AFF1: variants seen among roughly 807,000 people sequenced by gnomAD.
AFF1 encodes ALF transcription elongation factor 1, also known as AF4/FMR2 family member 1.
A neutral mutation model predicts 121.7 loss-of-function variants in AFF1; 48 were observed. That is an observed-to-expected ratio of 0.39 (90% CI 0.31 to 0.50). The LOEUF (loss-of-function observed/expected upper bound fraction) is 0.50. Ranked by LOEUF, AFF1 falls within the 20% of genes least tolerant of loss-of-function variation. The pLI is 0.76. For missense variants in AFF1, 1,523 were observed against 1,511.7 expected, an observed-to-expected ratio of 1.01 and a Z score of -0.12; for synonymous variants, 613 against 563.0, an observed-to-expected ratio of 1.09 and a Z score of -1.26.
At chr4:87,044,353 G>A (rs2149608681) in intron 2 of AFF1, among the ~76,000 whole-genome samples, 1 of 152,244 alleles carries the variant, frequency 6.6e-6, no homozygotes, top group Non-Finnish European at 1.5e-5. Flanking sequence ...TTAATGATTA[G>A]CTTCTATGCA....
intron 2 of AFF1, among the ~76,000 whole-genome samples, chr4:86,983,551 ATAAAAATAC>A (rs1260825439): frequency 2.0e-5 from 3 of 151,864 alleles, no homozygotes; most frequent in Non-Finnish European, 2.9e-5. Context: ...AAATTAAAAA[ATAAAAATAC>A]TAAAAATATA....
chr4:86,990,378 A>T (rs1222519550), intron 2 of AFF1, among the ~76,000 whole-genome samples: 1 of 151,548 alleles, frequency 6.6e-6, no homozygotes, highest in Non-Finnish European at 1.5e-5. Flanking sequence ...AGATGCCTTC[A>T]GGAGGAATCT....
intron 7 of AFF1, among the ~76,000 whole-genome samples, chr4:87,093,601 A>G (rs3775220): frequency 0.32 from 49,161 of 151,996 alleles, 8,508 homozygotes; most frequent in South Asian, 0.47. Flanking sequence ...CCCAGGCAAG[A>G]TGATCGTGTG....
At chr4:86,938,697 A>C (rs567284914) in intron 1 of AFF1, among the ~76,000 whole-genome samples, 1 of 152,254 alleles carries the variant, frequency 6.6e-6, no homozygotes, top group Non-Finnish European at 1.5e-5. Context: ...ATTCTACCAC[A>C]GCATGGAAAT....
intron 4 of AFF1, among the ~76,000 whole-genome samples, chr4:87,061,010 G>A (rs971386536): frequency 4.6e-5 from 7 of 152,034 alleles, no homozygotes; most frequent in African/African-American, 1.5e-4. Flanking sequence ...CCTTATATTC[G>A]CTCAGGATTC....
chr4:87,082,654 C>G (rs1048509265), intron 4 of AFF1, among the ~76,000 whole-genome samples: 16 of 152,224 alleles, frequency 1.1e-4, no homozygotes, highest in Non-Finnish European at 2.2e-4. Flanking sequence ...CTCTCAGACT[C>G]CTGGGCTCAG....
chr4:87,096,583 A>T (rs1397798301), intron 8 of AFF1, among the ~76,000 whole-genome samples: 2 of 151,374 alleles, frequency 1.3e-5, no homozygotes, highest in African/African-American at 4.9e-5. Context: ...TTTGTTGCCT[A>T]GGTTGGAGTG....
intron 11 of AFF1, among the ~76,000 whole-genome samples, chr4:87,113,333 G>T (rs1031119192): frequency 6.6e-6 from 1 of 151,934 alleles, no homozygotes; most frequent in Non-Finnish European, 1.5e-5. Context: ...ACCTAAGCTG[G>T]AGTGCACATG....
At chr4:86,970,337 A>G (rs1578869095) in intron 2 of AFF1, among the ~76,000 whole-genome samples, 1 of 152,180 alleles carries the variant, frequency 6.6e-6, no homozygotes, top group African/African-American at 2.4e-5. Flanking sequence ...TACAACAACA[A>G]CAACAAAGAT....
chr4:87,028,899 TC>T (rs1560553809), intron 2 of AFF1, among the ~76,000 whole-genome samples: 2 of 152,174 alleles, frequency 1.3e-5, no homozygotes, highest in Admixed American at 1.3e-4. Flanking sequence ...AGGCGGATTG[TC>T]CCCAAAGGAG....
Position 87,078,789 on chromosome 4 carries a change from C to G in AFF1, c.1060-5331C>G, listed in dbSNP as rs1022400245. ...AAATAGCTTGGACATTTATTTTACT[C>G]TCTTAAAAATTAAACTTTGGATAGA... On this transcript the variant is annotated intron_variant, in intron 4 of 20. Coordinates refer to ENST00000395146, the MANE Select transcript of AFF1 (RefSeq NM_001166693.3). Among the ~76,000 whole-genome samples, 3 of 152,106 alleles carry G rather than the reference C, an allele frequency of 2.0e-5. No homozygotes were observed. In the South Asian group the frequency reaches 6.2e-4, roughly 32 times the overall value.
intron 2 of AFF1, among the ~76,000 whole-genome samples, chr4:86,959,586 T>C (rs1722002595): frequency 6.6e-6 from 1 of 151,904 alleles, no homozygotes; most frequent in Non-Finnish European, 1.5e-5. Context: ...TGAGTGTCTG[T>C]TAGGGAAGTC....
At chr4:87,056,290 C>CTCA (rs1355605576) in intron 4 of AFF1, among the ~76,000 whole-genome samples, 2 of 152,076 alleles carry the variant, frequency 1.3e-5, no homozygotes, top group Non-Finnish European at 2.9e-5. Flanking sequence ...ACTCTGAAAA[C>CTCA]TCATATTGGA....
chr4:87,084,081 T>C, intron 4 of AFF1, 39 bp from the exon 5 acceptor site: 1 of 1,603,712 alleles, frequency 6.2e-7, no homozygotes, highest in African/African-American at 1.3e-5. Context: ...CTCTTGACTC[T>C]GGTTTGCTAA....
chr4:86,984,331 CTTT>C (rs1350597456), intron 2 of AFF1, among the ~76,000 whole-genome samples: 1 of 126,204 alleles, frequency 7.9e-6, no homozygotes, highest in Admixed American at 8.0e-5. Flanking sequence ...ATTTTTTTTT[CTTT>C]TTTTTTTTTT....
At chr4:86,943,750 G>A (rs1406433667) in intron 1 of AFF1, among the ~76,000 whole-genome samples, 2 of 151,622 alleles carry the variant, frequency 1.3e-5, no homozygotes, top group Non-Finnish European at 2.9e-5. Flanking sequence ...ACCTGAGGTC[G>A]GGAGTTTGAG....
At chr4:87,033,414 G>T in intron 2 of AFF1, among the ~76,000 whole-genome samples, 1 of 152,212 alleles carries the variant, frequency 6.6e-6, no homozygotes, top group East Asian at 1.9e-4. Flanking sequence ...TCTGGAATGT[G>T]TGCGTTAGAA....
intron 4 of AFF1, among the ~76,000 whole-genome samples, chr4:87,058,472 A>G (rs2149644954): frequency 6.6e-6 from 1 of 152,200 alleles, no homozygotes; most frequent in African/African-American, 2.4e-5. Flanking sequence ...CAGAGAAGGA[A>G]GCACCAGGTA....
intron 2 of AFF1, among the ~76,000 whole-genome samples, chr4:87,014,214 G>A (rs920027155): frequency 6.6e-6 from 1 of 152,172 alleles, no homozygotes; most frequent in Non-Finnish European, 1.5e-5. Flanking sequence ...TCAAGGAGCA[G>A]GGTATTTAAT....
Sources: gnomAD v4.1 joint callset for allele counts (sites outside exome capture counted in the v4.1 genomes callset) on GRCh38, gnomAD v4.1.1 for gene constraint, MANE v1.5 for transcripts, NCBI Gene and HGNC (gene_info 2026-07-23, HGNC 2026-07-21) for gene names.